Variants in BMPR1A observed in about 807,000 individuals in gnomAD.
BMPR1A encodes bone morphogenetic protein receptor type 1A.
In BMPR1A, 7 loss-of-function variants were observed where a neutral mutation model predicts 66.0. The observed-to-expected ratio is 0.11, with a 90% CI of 0.06 to 0.20. The LOEUF is 0.20. Ranked by LOEUF, BMPR1A falls within the 10% of genes least tolerant of loss-of-function variation. The pLI is 1.00. For synonymous variants in BMPR1A, 200 were observed against 229.7 expected (o/e 0.87, Z 1.17); for missense variants, 408 against 669.1 (o/e 0.61, Z 4.31).
intron 1 of BMPR1A, among the ~76,000 whole-genome samples, chr10:86,759,056 A>C (rs1199922995): frequency 6.6e-6 from 1 of 152,248 alleles, no homozygotes; most frequent in Admixed American, 6.5e-5. Flanking sequence ...AAGGTGCAGA[A>C]TATTATAAGA....
intron 8 of BMPR1A, among the ~76,000 whole-genome samples, chr10:86,915,311 G>T (rs148362309): frequency 6.6e-6 from 1 of 152,068 alleles, no homozygotes; most frequent in Non-Finnish European, 1.5e-5. Flanking sequence ...GATTACAGGC[G>T]TGAGCCACCA....
chr10:86,873,759 CAAG>C (rs746200850), intron 2 of BMPR1A, among the ~76,000 whole-genome samples: 14 of 152,142 alleles, frequency 9.2e-5, no homozygotes, highest in African/African-American at 1.7e-4. Flanking sequence ...TGAATTATTT[CAAG>C]AAGTTTTCAA....
intron 1 of BMPR1A, among the ~76,000 whole-genome samples, chr10:86,763,885 G>T (rs964985313): frequency 1.3e-4 from 20 of 149,836 alleles, no homozygotes; most frequent in Non-Finnish European, 2.7e-4. Context: ...CTGCCTCCCG[G>T]GTTCACGCCA....
In BMPR1A at chr10:86,803,915, G is replaced by A. The variant is rs561568576; in HGVS notation, c.-267-34950G>A. Among the ~76,000 whole-genome samples, 20 of 152,076 alleles carry A rather than the reference G, an allele frequency of 1.3e-4. 1 individual carries two copies. The highest frequency in any genetic ancestry group is 2.1e-4 in the South Asian group (1 of 4,818). ...ATATAGTTTACTAATTAATAAATTC[G>A]CGTTTCATCTTTCACAAGTCTTCTT... On this transcript the variant is annotated intron_variant, in intron 1 of 12. Transcript: ENST00000372037.
Position 86,866,399 on chromosome 10 carries a change from C to CTTTTTTTTTTTTCT in BMPR1A, c.-152-9456_-152-9455insCTTTTTTTTTTTTT, listed in dbSNP as rs1842785864. ...TGTGTTAAGTTGGGCAAGTTTCTTT[C>CTTTTTTTTTTTTCT]TTTTTTTTTTTTTTTTTTTTTTTTT... On this transcript the variant is annotated intron_variant, in intron 2 of 12. Coordinates refer to ENST00000372037, the MANE Select transcript of BMPR1A (RefSeq NM_004329.3). 4.4e-3 allele frequency among the ~76,000 whole-genome samples: 305 copies of CTTTTTTTTTTTTCT among 69,464 alleles called. 23 individuals are homozygous for CTTTTTTTTTTTTCT. The highest frequency in any genetic ancestry group is 0.016 in the African/African-American group (294 of 18,808). 45.6% of individuals were successfully genotyped at this position (69,464 alleles called of 152,430 possible).
chr10:86,785,695 T>C (rs1841505006), intron 1 of BMPR1A, among the ~76,000 whole-genome samples: 1 of 152,214 alleles, frequency 6.6e-6, no homozygotes, highest in South Asian at 2.1e-4. Flanking sequence ...GGTGGTTCTG[T>C]CCATTATTGA....
intron 7 of BMPR1A, among the ~76,000 whole-genome samples, chr10:86,908,795 G>A (rs1843433943): frequency 6.6e-6 from 1 of 152,102 alleles, no homozygotes; most frequent in Non-Finnish European, 1.5e-5. Context: ...CTTCCTCAGG[G>A]CTCTTGCACC....
At chr10:86,768,965 G>A (rs2132638549) in intron 1 of BMPR1A, among the ~76,000 whole-genome samples, 1 of 152,336 alleles carries the variant, frequency 6.6e-6, no homozygotes, top group Middle Eastern at 3.4e-3. Context: ...TGTTAGTGAA[G>A]ATGAGTATTT....
Position 86,897,835 on chromosome 10 carries a change from C to T in BMPR1A, c.334-1959C>T, listed in dbSNP as rs185252456. ...TGCCCAGCCTGATCTCAGACTCCTC[C>T]GCTCAAGCCATTCTGCCACTTCAGC... On this transcript the variant is annotated intron_variant, in intron 5 of 12. Transcript: ENST00000372037. 4.6e-5 allele frequency among the ~76,000 whole-genome samples: 7 copies of T among 152,190 alleles called. No individual in the cohort carries two copies. The East Asian group carries it at 1.2e-3, about 25-fold the overall frequency.
At chr10:86,898,308 A>C (rs1843257812) in intron 5 of BMPR1A, among the ~76,000 whole-genome samples, 1 of 151,998 alleles carries the variant, frequency 6.6e-6, no homozygotes, top group Non-Finnish European at 1.5e-5. Flanking sequence ...TTTATATAAA[A>C]ATATAACATT....
At chr10:86,913,065 A>G (rs1200519540) in intron 8 of BMPR1A, among the ~76,000 whole-genome samples, 1 of 152,068 alleles carries the variant, frequency 6.6e-6, no homozygotes, top group Admixed American at 6.6e-5. Context: ...GATAGGTTTA[A>G]GTTTTTAATT....
intron 7 of BMPR1A, among the ~76,000 whole-genome samples, chr10:86,907,314 C>T (rs1843410462): frequency 6.6e-6 from 1 of 152,082 alleles, no homozygotes; most frequent in African/African-American, 2.4e-5. Context: ...ATTAAAATGG[C>T]CATTATCAAA....
chr10:86,876,027 G>C lies in BMPR1A; in HGVS notation c.9G>C (p.Gln3His), dbSNP rs1589757057. Reference sequence around the variant, plus strand: ...AACATTACAATTGAACAATGCCTCAGCTATACATTTACATCAGATTATTGG... The same window carrying C: ...AACATTACAATTGAACAATGCCTCACCTATACATTTACATCAGATTATTGG... The part of the protein sequence containing the change: MP[Q>H]LYIYIRLLGA... The change falls in exon 3 of 13, where the codon CAG becomes CAC. Residue 3 changes from glutamine (Q) to histidine (H), a missense_variant. Transcript: ENST00000372037. The C allele has an allele frequency of 6.2e-7, 1 of 1,609,056 alleles. No individual in the cohort carries two copies. Among genetic ancestry groups the C allele is most frequent in the African/African-American group, 1.3e-5 (1 of 74,630 alleles).
At chr10:86,846,430 T>C (rs1446555154) in intron 2 of BMPR1A, among the ~76,000 whole-genome samples, 1 of 152,180 alleles carries the variant, frequency 6.6e-6, no homozygotes, top group Admixed American at 6.5e-5. Flanking sequence ...AGGTGCCTTG[T>C]GTTGGGCATT....
chr10:86,806,395 T>C (rs1459321538), intron 1 of BMPR1A, among the ~76,000 whole-genome samples: 1 of 152,212 alleles, frequency 6.6e-6, no homozygotes, highest in African/African-American at 2.4e-5. Flanking sequence ...TATTTATAGT[T>C]GTAGAATGGT....
At chr10:86,850,760 G>C (rs1218381547) in intron 2 of BMPR1A, among the ~76,000 whole-genome samples, 3 of 152,006 alleles carry the variant, frequency 2.0e-5, no homozygotes, top group African/African-American at 7.3e-5. Context: ...GCCTCCTAAA[G>C]TGCTGAGATG....
chr10:86,928,288 T>C (rs1843775331), downstream of BMPR1A: 1 of 147,100 alleles, frequency 6.8e-6, no homozygotes, highest in Admixed American at 7.0e-5. Flanking sequence ...AATGGCACGA[T>C]CTCAGCTCAC....
chr10:86,836,588 A>G (rs1589739297), intron 1 of BMPR1A, among the ~76,000 whole-genome samples: 1 of 152,282 alleles, frequency 6.6e-6, no homozygotes, highest in East Asian at 1.9e-4. Flanking sequence ...ACTTGAGGTC[A>G]GGAGTTCGAA....
intron 1 of BMPR1A, among the ~76,000 whole-genome samples, chr10:86,791,086 C>T (rs551129621): frequency 2.0e-5 from 3 of 152,236 alleles, no homozygotes; most frequent in South Asian, 4.1e-4. Flanking sequence ...TAAAATATTT[C>T]TGGTGGAAAA....
Sources: allele counts gnomAD v4.1 joint callset (sites outside exome capture counted in the v4.1 genomes callset), GRCh38; gene constraint gnomAD v4.1.1; transcripts MANE v1.5; gene names NCBI Gene and HGNC (gene_info 2026-07-23, HGNC 2026-07-21).